CFAP52: variants seen among roughly 807,000 people sequenced by gnomAD.
CFAP52 encodes cilia- and flagella-associated protein 52.
A neutral mutation model predicts 70.5 loss-of-function variants in CFAP52; 57 were observed. The ratio of observed to expected loss-of-function variants is 0.81; its 90% CI spans 0.65 to 1.01. The LOEUF is 1.01. Ranked by LOEUF, CFAP52 falls within the 50% of genes least tolerant of loss-of-function variation. The pLI is 0.00. For missense variants in CFAP52, 785 were observed against 788.5 expected (o/e 1.00, Z 0.05); for synonymous variants, 267 against 292.5 (o/e 0.91, Z 0.89).
chr17:9,639,869 G>A (rs1910975145), intron 12 of CFAP52, among the ~76,000 whole-genome samples: 1 of 152,112 alleles, frequency 6.6e-6, no homozygotes, highest in Non-Finnish European at 1.5e-5. Flanking sequence ...GCCCTACTGG[G>A]GCTGCCCAGG....
At chr17:9,628,265 G>T (rs981908533) in intron 8 of CFAP52, among the ~76,000 whole-genome samples, 4 of 151,166 alleles carry the variant, frequency 2.6e-5, no homozygotes, top group African/African-American at 7.3e-5. Flanking sequence ...ATAATAAAAG[G>T]CATCCTTCCC....
At chr17:9,601,760 T>G (rs1439639231) in intron 6 of CFAP52, among the ~76,000 whole-genome samples, 1 of 152,234 alleles carries the variant, frequency 6.6e-6, no homozygotes, top group Non-Finnish European at 1.5e-5. Flanking sequence ...TAACAAATGC[T>G]GCTATTTCCA....
chr17:9,630,329 A>G (rs965320905), intron 9 of CFAP52, among the ~76,000 whole-genome samples: 1 of 150,038 alleles, frequency 6.7e-6, no homozygotes, highest in African/African-American at 2.4e-5. Flanking sequence ...CTGTAATCCC[A>G]GCACTTTGGA....
chr17:9,600,135 G>C lies in CFAP52; in HGVS notation c.705G>C (p.Arg235Ser). ...TTGDILKMNP[R>S]TKLLTDVGPA... ...GAGATATTCTAAAAATGAACCCCAG[G>C]ACTAAACTGCTGACAGATGTTGGGC... Residue 235 changes from arginine (R) to serine (S), a missense_variant, in exon 6 of 14, where the codon AGG (arginine) becomes AGC (serine). By Grantham distance (110) the Arg-to-Ser change is moderately radical. Transcript: ENST00000352665. 6.2e-7 allele frequency: 1 copy of C among 1,613,888 alleles called. No homozygotes were observed. The highest frequency in any genetic ancestry group is 8.5e-7 in the Non-Finnish European group (1 of 1,179,970).
intron 6 of CFAP52, among the ~76,000 whole-genome samples, chr17:9,602,201 C>T (rs1413414044): frequency 1.3e-5 from 2 of 151,982 alleles, no homozygotes; most frequent in African/African-American, 2.4e-5. Context: ...TAGGTATACA[C>T]GTGCCATGGT....
At chr17:9,596,531 C>T (rs1006164888) in intron 4 of CFAP52, among the ~76,000 whole-genome samples, 2 of 151,716 alleles carry the variant, frequency 1.3e-5, no homozygotes, top group African/African-American at 2.4e-5. Flanking sequence ...GAGTAAATAC[C>T]GACCATGTAT....
At chr17:9,616,364 G>A (rs1278492338) in intron 8 of CFAP52, among the ~76,000 whole-genome samples, 3 of 117,406 alleles carry the variant, frequency 2.6e-5, no homozygotes, top group South Asian at 3.5e-4. Flanking sequence ...ACGGAATCTC[G>A]CTGATTGCTA....
At chr17:9,626,164 T>C (rs1382983269) in intron 8 of CFAP52, among the ~76,000 whole-genome samples, 1 of 152,134 alleles carries the variant, frequency 6.6e-6, no homozygotes, top group African/African-American at 2.4e-5. Context: ...ACTTGAATGG[T>C]TCAGTTTTGA....
intron 8 of CFAP52, among the ~76,000 whole-genome samples, chr17:9,615,795 CTTTTT>C (rs1190663709): frequency 0.049 from 3,301 of 67,434 alleles, 107 homozygotes; most frequent in African/African-American, 0.1. Flanking sequence ...AAAAAAAATT[CTTTTT>C]TTTTTTTTTT....
chr17:9,578,990 G>A (rs981329708), intron 1 of CFAP52, among the ~76,000 whole-genome samples: 2 of 152,138 alleles, frequency 1.3e-5, no homozygotes, highest in Non-Finnish European at 2.9e-5. Context: ...GTATAATGAG[G>A]CATGTCTGAC....
chr17:9,635,332 G>A (rs418706), intron 10 of CFAP52, 73 bp from the exon 11 acceptor site: 5 of 1,574,366 alleles, frequency 3.2e-6, no homozygotes, highest in South Asian at 2.3e-5. Context: ...AGGGGAAAAA[G>A]CTCTTGGAAT....
intron 6 of CFAP52, among the ~76,000 whole-genome samples, chr17:9,604,224 T>C (rs1047893334): frequency 1.3e-5 from 2 of 152,114 alleles, no homozygotes; most frequent in Non-Finnish European, 2.9e-5. Flanking sequence ...AGACCTAAGA[T>C]GTGGTGATAA....
At chr17:9,593,387 C>G (rs2151932322) in intron 3 of CFAP52, among the ~76,000 whole-genome samples, 1 of 152,336 alleles carries the variant, frequency 6.6e-6, no homozygotes, top group Admixed American at 6.5e-5. Context: ...ATCCCACGTA[C>G]TGAATCAGAA....
intron 1 of CFAP52, among the ~76,000 whole-genome samples, chr17:9,577,004 C>A (rs1321900773): frequency 6.6e-6 from 1 of 152,168 alleles, no homozygotes; most frequent in African/African-American, 2.4e-5. Context: ...CGGACAAGCG[C>A]CAGCACCTAA....
rs1282234274 is a variant in CFAP52 at position 9,643,031 on chromosome 17, G to T, written c.1696G>T (p.Asp566Tyr). The T allele has an allele frequency of 6.3e-7, 1 of 1,598,962 alleles. No homozygotes were observed. The highest frequency in any genetic ancestry group is 1.1e-5 in the South Asian group (1 of 87,270). Residue 566 changes from aspartate to tyrosine, a missense_variant, in exon 14 of 14, where the codon GAC (aspartate) becomes TAC (tyrosine). Asp to Tyr is a radical substitution (Grantham distance 160). Coordinates refer to ENST00000352665, the MANE Select transcript of CFAP52 (RefSeq NM_145054.5). ...GTGTTTATCTTTTTCAGGTGGAAAT[G>T]ACCATCTGGTCAAAGTTTGGGATTA... is the stretch of plus-strand genomic sequence containing the variant. Reference protein sequence around the residue: ...EGVHFVTGGNDHLVKVWDYNE... With the variant: ...EGVHFVTGGNYHLVKVWDYNE...
chr17:9,578,394 T>C (rs1908062977), intron 1 of CFAP52, among the ~76,000 whole-genome samples: 1 of 152,188 alleles, frequency 6.6e-6, no homozygotes, highest in African/African-American at 2.4e-5. Flanking sequence ...AATCACTCTG[T>C]TGTCCAATCA....
chr17:9,634,606 A>G (rs1456008671), intron 10 of CFAP52, among the ~76,000 whole-genome samples: 1 of 151,450 alleles, frequency 6.6e-6, no homozygotes, highest in African/African-American at 2.4e-5. Context: ...AGAAAAAAAA[A>G]TACAAAAATT....
At chr17:9,585,120 G>A (rs1908395102) in intron 1 of CFAP52, among the ~76,000 whole-genome samples, 1 of 152,080 alleles carries the variant, frequency 6.6e-6, no homozygotes, top group South Asian at 2.1e-4. Flanking sequence ...CACACTCCAT[G>A]CATTCGTGCT....
At position 9,608,106 on chromosome 17, in the gene CFAP52, T is replaced by C. The variant is rs1288852997; in HGVS notation, c.754-13T>C. 2 of 1,600,998 alleles carry C rather than the reference T, an allele frequency of 1.2e-6. No individual in the cohort carries two copies. Among genetic ancestry groups the C allele is most frequent in the Non-Finnish European group, 1.7e-6 (2 of 1,171,974 alleles). On this transcript the variant is annotated splice_polypyrimidine_tract_variant and intron_variant, in intron 6 of 13. Transcript: ENST00000352665. ...ATTTTTGTGCTTTTTCTTAACACAG[T>C]TTTTCCCCCTAGGGAGTGTCAGCTA... is the stretch of plus-strand genomic sequence containing the variant.
Sources: gnomAD v4.1 joint callset for allele counts (sites outside exome capture counted in the v4.1 genomes callset) on GRCh38, gnomAD v4.1.1 for gene constraint, MANE v1.5 for transcripts, NCBI Gene and HGNC (gene_info 2026-07-23, HGNC 2026-07-21) for gene names.